SMYD3: variants seen among roughly 807,000 people sequenced by gnomAD.
SMYD3 encodes histone-lysine N-methyltransferase SMYD3.
Under a neutral mutation model 57.7 loss-of-function variants are expected in SMYD3, and 36 were observed. The observed-to-expected ratio is 0.62, with a 90% CI of 0.48 to 0.82. SMYD3 has a LOEUF of 0.82. Ranked by LOEUF, SMYD3 falls within the 40% of genes least tolerant of loss-of-function variation. SMYD3 has a pLI of 0.00. For synonymous variants in SMYD3, 211 were observed against 195.0 expected (o/e 1.08, Z -0.68); for missense variants, 515 against 538.8 (o/e 0.96, Z 0.44).
intron 1 of SMYD3, among the ~76,000 whole-genome samples, chr1:246,457,559 GAAAAGAAAAGAAAAGA>G (rs2067722102): frequency 3.0e-5 from 4 of 132,810 alleles, no homozygotes; most frequent in South Asian, 2.5e-4. Flanking sequence ...GAAAAGAAAA[GAAAAGAAAAGAAAAGA>G]AAAAGAAAAA....
At chr1:246,226,179 G>C (rs1275293050) in intron 5 of SMYD3, among the ~76,000 whole-genome samples, 2 of 152,138 alleles carry the variant, frequency 1.3e-5, no homozygotes, top group Non-Finnish European at 2.9e-5. Context: ...TGGACACTAT[G>C]CTGACAGAAG....
chr1:246,461,733 CAA>C (rs34973427), intron 1 of SMYD3, among the ~76,000 whole-genome samples: 5 of 122,818 alleles, frequency 4.1e-5, no homozygotes, highest in Non-Finnish European at 1.6e-5. Flanking sequence ...GACTCTGTCT[CAA>C]AAAAAAAAAA....
chr1:245,863,876 A>T lies in SMYD3; in HGVS notation c.824T>A (p.Met275Lys), dbSNP rs1481089698. ...RCQTQDKDAD[M>K]LTGDEQVWKE... ...CCATACTTGCTCATCACCAGTTAGC[A>T]TATCAGCATCCTGCTCAGGCCAGAA... The change falls in exon 9 of 12, where the codon ATG becomes AAG. Residue 275 changes from methionine (M) to lysine (K), a missense_variant. Met to Lys is a moderately conservative substitution (Grantham distance 95, BLOSUM62 -1). Transcript: ENST00000490107. 6.2e-7 allele frequency: 1 copy of T among 1,614,190 alleles called. No individual in the cohort carries two copies. Among genetic ancestry groups the T allele is most frequent in the South Asian group, 1.1e-5 (1 of 91,080 alleles).
At chr1:246,278,896 G>A (rs779137797) in intron 5 of SMYD3, among the ~76,000 whole-genome samples, 7 of 152,122 alleles carry the variant, frequency 4.6e-5, no homozygotes, top group African/African-American at 7.2e-5. Context: ...CAATAAAGTC[G>A]GCATTTTCAG....
At chr1:246,138,211 G>A (rs556727355) in intron 5 of SMYD3, among the ~76,000 whole-genome samples, 2 of 152,014 alleles carry the variant, frequency 1.3e-5, no homozygotes, top group East Asian at 1.9e-4. Flanking sequence ...TCCTCACTCC[G>A]CCCCGAGTGC....
intron 5 of SMYD3, among the ~76,000 whole-genome samples, chr1:246,154,513 T>C (rs571862658): frequency 1.6e-4 from 25 of 152,350 alleles, no homozygotes; most frequent in African/African-American, 6.0e-4. Context: ...TTTCTTTTAA[T>C]AGACTTTCAG....
At chr1:245,972,496 G>A (rs985802159) in intron 5 of SMYD3, among the ~76,000 whole-genome samples, 36 of 152,226 alleles carry the variant, frequency 2.4e-4, no homozygotes, top group Non-Finnish European at 1.5e-5. Flanking sequence ...TCATCATCTG[G>A]AAAGTGTACA....
chr1:246,211,506 T>A (rs1040513687), intron 5 of SMYD3, among the ~76,000 whole-genome samples: 1 of 151,344 alleles, frequency 6.6e-6, no homozygotes, highest in Non-Finnish European at 1.5e-5. Context: ...TACCACAATA[T>A]ATAATTCTTT....
rs1476686527 is a variant in SMYD3 at position 245,870,281 on chromosome 1, TGTGG to T, written c.814-6399_814-6396del. ...AGATCAGATACGTTCCCACCGCAGC[TGTGG>T]GTATTTGTCAAATACTACAGCTGGC... On this transcript the variant is annotated intron_variant, in intron 8 of 11. Transcript: ENST00000490107. 9.2e-5 allele frequency among the ~76,000 whole-genome samples: 14 copies of T among 152,304 alleles called. No individual in the cohort carries two copies. The East Asian group carries it at 2.7e-3, about 29-fold the overall frequency.
intron 5 of SMYD3, among the ~76,000 whole-genome samples, chr1:246,064,694 C>T (rs2060310813): frequency 1.3e-5 from 2 of 152,234 alleles, no homozygotes; most frequent in African/African-American, 4.8e-5. Flanking sequence ...TTGTTCATGT[C>T]CAATAAATAC....
chr1:245,797,255 T>C (rs1183461311), intron 10 of SMYD3, among the ~76,000 whole-genome samples: 1 of 152,082 alleles, frequency 6.6e-6, no homozygotes, highest in East Asian at 1.9e-4. Context: ...GTACTCACAA[T>C]AGCAAAGACT....
intron 5 of SMYD3, among the ~76,000 whole-genome samples, chr1:246,287,385 T>C (rs533687603): frequency 6.6e-6 from 1 of 152,182 alleles, no homozygotes; most frequent in Non-Finnish European, 1.5e-5. Context: ...AACCCATGAA[T>C]GTAATCACTA....
chr1:246,177,524 T>A (rs978120193), intron 5 of SMYD3, among the ~76,000 whole-genome samples: 8 of 151,988 alleles, frequency 5.3e-5, no homozygotes, highest in Admixed American at 6.6e-5. Context: ...AGTAGCATCA[T>A]GGAGAAGAAT....
intron 5 of SMYD3, among the ~76,000 whole-genome samples, chr1:246,010,231 T>C (rs2148189800): frequency 6.6e-6 from 1 of 152,110 alleles, no homozygotes; most frequent in East Asian, 2.0e-4. Flanking sequence ...CAATACAGAA[T>C]CGTATGCTCT....
chr1:246,301,533 A>G (rs1193480039), intron 5 of SMYD3, among the ~76,000 whole-genome samples: 2 of 152,190 alleles, frequency 1.3e-5, no homozygotes, highest in Non-Finnish European at 2.9e-5. Flanking sequence ...GCAAGTCTGA[A>G]GTAATGAGAA....
intron 11 of SMYD3, among the ~76,000 whole-genome samples, chr1:245,749,889 G>T (rs2045266430): frequency 6.6e-6 from 1 of 152,182 alleles, no homozygotes; most frequent in Admixed American, 6.5e-5. Flanking sequence ...TTCGAGTCAT[G>T]CTGGGGCCCA....
At chr1:246,366,596 C>T (rs1489106784) in intron 1 of SMYD3, among the ~76,000 whole-genome samples, 1 of 150,848 alleles carries the variant, frequency 6.6e-6, no homozygotes, top group African/African-American at 2.4e-5. Flanking sequence ...AGCAAGAGGG[C>T]CACATCTGTA....
At chr1:246,502,691 A>C (rs1419635238) in intron 1 of SMYD3, among the ~76,000 whole-genome samples, 1 of 152,124 alleles carries the variant, frequency 6.6e-6, no homozygotes, top group Non-Finnish European at 1.5e-5. Flanking sequence ...TGGCAAGAAG[A>C]CCTTGGATCT....
intron 10 of SMYD3, among the ~76,000 whole-genome samples, chr1:245,793,138 T>A (rs10924337): frequency 0.32 from 46,529 of 144,686 alleles, 9,301 homozygotes; most frequent in Non-Finnish European, 0.46. Context: ...TGAAACCCCG[T>A]CTCTACTAAA....
Sources: allele counts gnomAD v4.1 joint callset (sites outside exome capture counted in the v4.1 genomes callset), GRCh38; gene constraint gnomAD v4.1.1; transcripts MANE v1.5; gene names NCBI Gene and HGNC (gene_info 2026-07-23, HGNC 2026-07-21).